The following RNF125 variants were observed in gnomAD, a reference collection of about 807,000 sequenced individuals.
The protein encoded by RNF125 is ring finger protein 125.
RNF125 carries 21 observed loss-of-function variants against 26.0 expected under a neutral mutation model. The ratio of observed to expected loss-of-function variants is 0.81; its 90% CI spans 0.57 to 1.16. The LOEUF (loss-of-function observed/expected upper bound fraction) is 1.16. Ranked by LOEUF, RNF125 falls within the 50% of genes most tolerant of loss-of-function variation. The pLI, the probability that RNF125 is intolerant of heterozygous loss-of-function variation, is 0.00. For missense variants in RNF125, 270 were observed against 299.4 expected (o/e 0.90, Z 0.72); for synonymous variants, 95 against 109.2 (o/e 0.87, Z 0.81).
chr18:32,045,510 G>C (rs1222274471), intron 3 of RNF125, 132 bp from the exon 4 acceptor site: 4 of 451,316 alleles, frequency 8.9e-6, no homozygotes, highest in African/African-American at 6.6e-5. Context: ...GCATTGAGCT[G>C]AGATCATGCC....
rs566496607 is a variant in RNF125 at position 32,051,832 on chromosome 18, G to A, written c.504+6100G>A. 2.9e-3 allele frequency among the ~76,000 whole-genome samples: 441 copies of A among 151,488 alleles called. 3 individuals carry two copies. The highest frequency in any genetic ancestry group is 0.01 in the Middle Eastern group (3 of 290). On this transcript the variant is annotated intron_variant, in intron 4 of 5. Coordinates refer to ENST00000217740, the MANE Select transcript of RNF125 (RefSeq NM_017831.4). ...AGCCTCCCGAGTAGCTGGGATTACA[G>A]GCATGCACCACTGCACCCAGCTAAT...
intron 4 of RNF125, among the ~76,000 whole-genome samples, chr18:32,047,166 A>G (rs973144663): frequency 6.6e-6 from 1 of 152,152 alleles, no homozygotes; most frequent in Non-Finnish European, 1.5e-5. Context: ...CCTCCTGAGT[A>G]GCTGGGACTA....
chr18:32,065,713 A>G (rs2039478185), intron 4 of RNF125, among the ~76,000 whole-genome samples, 189 bp from the exon 5 acceptor site: 1 of 152,094 alleles, frequency 6.6e-6, no homozygotes, highest in Non-Finnish European at 1.5e-5. Flanking sequence ...TTGTATTTTT[A>G]GTAGAGACGG....
chr18:32,059,321 C>T (rs1390691407), intron 4 of RNF125, among the ~76,000 whole-genome samples: 4 of 152,120 alleles, frequency 2.6e-5, no homozygotes, highest in East Asian at 3.8e-4. Flanking sequence ...ATTTTACCTG[C>T]GGTGAGATGA....
intron 1 of RNF125, 64 bp downstream of exon 1, chr18:32,019,091 G>A: frequency 6.3e-7 from 1 of 1,575,106 alleles, no homozygotes; most frequent in South Asian, 1.1e-5. Flanking sequence ...GAAGCTGAGG[G>A]CATGGTGTGG....
chr18:32,065,787 T>C, intron 4 of RNF125, 115 bp from the exon 5 acceptor site: 2 of 701,830 alleles, frequency 2.8e-6, no homozygotes, highest in South Asian at 1.8e-5. Context: ...CGCCTCTGCC[T>C]CCCAAAGTAC....
At chr18:32,041,984 G>C (rs565093598) in intron 2 of RNF125, 195 bp from the exon 3 acceptor site, 36 of 550,232 alleles carry the variant, frequency 6.5e-5, no homozygotes, top group African/African-American at 6.3e-4. Flanking sequence ...GATCTTCTAA[G>C]TATCGGAGAA....
intron 4 of RNF125, among the ~76,000 whole-genome samples, chr18:32,064,980 G>A (rs1273812154): frequency 6.6e-6 from 1 of 152,096 alleles, no homozygotes; most frequent in Non-Finnish European, 1.5e-5. Flanking sequence ...AACTAATTAA[G>A]TAAATTATGG....
chr18:32,037,010 T>C (rs924795089), intron 1 of RNF125, 106 bp from the exon 2 acceptor site: 2 of 991,030 alleles, frequency 2.0e-6, no homozygotes, highest in South Asian at 1.6e-5. Flanking sequence ...GTATGGCTCA[T>C]GGGGTACGAG....
At chr18:32,063,162 G>A (rs1276458724) in intron 4 of RNF125, among the ~76,000 whole-genome samples, 1 of 149,178 alleles carries the variant, frequency 6.7e-6, no homozygotes, top group East Asian at 2.0e-4. Context: ...GGAGGTTGCA[G>A]TGAGCCAAGA....
chr18:32,027,393 T>TA (rs1209717617), intron 1 of RNF125, among the ~76,000 whole-genome samples: 1 of 152,180 alleles, frequency 6.6e-6, no homozygotes, highest in Non-Finnish European at 1.5e-5. Flanking sequence ...TAGGTACCAA[T>TA]AAGGTAGCTA....
intron 1 of RNF125, among the ~76,000 whole-genome samples, chr18:32,033,561 C>G (rs2039121153): frequency 6.8e-6 from 1 of 146,362 alleles, no homozygotes; most frequent in Admixed American, 7.0e-5. Flanking sequence ...TGGCTCATGC[C>G]TGTAATCCCA....
At chr18:32,024,086 T>C (rs2039010013) in intron 1 of RNF125, among the ~76,000 whole-genome samples, 1 of 152,012 alleles carries the variant, frequency 6.6e-6, no homozygotes, top group Non-Finnish European at 1.5e-5. Flanking sequence ...CATTTAGTTT[T>C]ATCTATATCT....
chr18:32,058,857 A>T (rs1258274940), intron 4 of RNF125, among the ~76,000 whole-genome samples: 2 of 152,148 alleles, frequency 1.3e-5, no homozygotes, highest in Non-Finnish European at 2.9e-5. Flanking sequence ...TAGCTCCCAC[A>T]AATAAATGAG....
chr18:32,062,062 T>G (rs961976885), intron 4 of RNF125, among the ~76,000 whole-genome samples: 2 of 152,216 alleles, frequency 1.3e-5, no homozygotes, highest in African/African-American at 4.8e-5. Flanking sequence ...TATTGAATGT[T>G]TGATGTTTAC....
At chr18:32,040,183 C>G (rs2039202162) in intron 2 of RNF125, among the ~76,000 whole-genome samples, 1 of 151,860 alleles carries the variant, frequency 6.6e-6, no homozygotes, top group Admixed American at 6.6e-5. Flanking sequence ...ATGTTGCACT[C>G]TCTGTGTTCT....
chr18:32,085,700 CAAAAAAAAAAA>C, the RNF125 span, among the ~76,000 whole-genome samples: 7 of 62,770 alleles, frequency 1.1e-4, no homozygotes, highest in Non-Finnish European at 1.9e-4. Flanking sequence ...AACGACTTAT[CAAAAAAAAAAA>C]AAAAAAAAAA....
chr18:32,060,304 G>T (rs979402704), intron 4 of RNF125, among the ~76,000 whole-genome samples: 11 of 152,194 alleles, frequency 7.2e-5, no homozygotes. Flanking sequence ...ACAGTGAATG[G>T]GCTGTAAGCT....
chr18:32,025,720 G>A (rs1334339402), intron 1 of RNF125, among the ~76,000 whole-genome samples: 1 of 150,798 alleles, frequency 6.6e-6, no homozygotes, highest in Non-Finnish European at 1.5e-5. Flanking sequence ...AGGGGCGATT[G>A]GTGGCTTTTG....
Sources: allele counts gnomAD v4.1 joint callset (sites outside exome capture counted in the v4.1 genomes callset), GRCh38; gene constraint gnomAD v4.1.1; transcripts MANE v1.5; gene names NCBI Gene and HGNC (gene_info 2026-07-23, HGNC 2026-07-21).